The following ADAMTS20 variants were observed in gnomAD, a reference collection of about 807,000 sequenced individuals.
ADAMTS20 encodes A disintegrin and metalloproteinase with thrombospondin motifs 20.
A neutral mutation model predicts 260.1 loss-of-function variants in ADAMTS20; 225 were observed. The observed-to-expected ratio is 0.87, with a 90% CI of 0.78 to 0.97. The LOEUF (loss-of-function observed/expected upper bound fraction) is 0.97, where lower values mean the gene tolerates loss of function less well. Ranked by LOEUF, ADAMTS20 falls within the 50% of genes least tolerant of loss-of-function variation. The pLI is 0.00. For missense variants in ADAMTS20, 2,400 were observed against 2,337.7 expected (o/e 1.03, Z -0.55); for synonymous variants, 802 against 769.5 (o/e 1.04, Z -0.70).
At chr12:43,456,264 C>T (rs1241807212) in intron 11 of ADAMTS20, among the ~76,000 whole-genome samples, 2 of 152,130 alleles carry the variant, frequency 1.3e-5, no homozygotes, top group African/African-American at 4.8e-5. Context: ...AAAGTGGTTT[C>T]CTAGATTATC....
At chr12:43,531,935 A>G in intron 3 of ADAMTS20, 101 bp downstream of exon 3, 2 of 807,282 alleles carry the variant, frequency 2.5e-6, no homozygotes, top group Non-Finnish European at 3.3e-6. Context: ...TTAATTAAAA[A>G]TAAATAAAAT....
At chr12:43,501,842 C>G (rs76137195) in intron 4 of ADAMTS20, among the ~76,000 whole-genome samples, 1 of 152,086 alleles carries the variant, frequency 6.6e-6, no homozygotes, top group Admixed American at 6.6e-5. Context: ...GCAAAAAGAT[C>G]AATGCAACTA....
chr12:43,417,029 G>A (rs1245232981), intron 28 of ADAMTS20, among the ~76,000 whole-genome samples: 1 of 152,084 alleles, frequency 6.6e-6, no homozygotes, highest in Non-Finnish European at 1.5e-5. Flanking sequence ...TTATTTGCAT[G>A]TATATTTAAT....
In ADAMTS20 at chr12:43,541,386, T is replaced by C. The variant is rs571655307; in HGVS notation, c.454-9191A>G. 2.0e-5 allele frequency among the ~76,000 whole-genome samples: 3 copies of C among 152,314 alleles called. No homozygotes were observed. The East Asian group carries it at 5.8e-4, about 29-fold the overall frequency. ...GTATCTACCCAATTTCCTAGGAAGGTTAATGTGTGTTTAAGTGATATTAAT... is the reference window on the plus strand; with the variant it reads ...GTATCTACCCAATTTCCTAGGAAGGCTAATGTGTGTTTAAGTGATATTAAT... On this transcript the variant is annotated intron_variant, in intron 2 of 38. Transcript: ENST00000389420.
At chr12:43,444,978 AG>A (rs1456072030) in intron 15 of ADAMTS20, among the ~76,000 whole-genome samples, 2 of 152,220 alleles carry the variant, frequency 1.3e-5, no homozygotes, top group African/African-American at 4.8e-5. Flanking sequence ...TACTGGTTGT[AG>A]GTTATTGACC....
chr12:43,513,766 A>G (rs868329728), intron 3 of ADAMTS20, among the ~76,000 whole-genome samples: 2 of 152,110 alleles, frequency 1.3e-5, no homozygotes, highest in African/African-American at 4.8e-5. Context: ...TTGTAGGAAC[A>G]TGAATGAAGC....
At position 43,449,028 on chromosome 12, in the gene ADAMTS20, C is replaced by T. The variant is rs548815393; in HGVS notation, c.2080-2316G>A. ...TGCAGAAAAGAGAACGGTTATACAC[C>T]GTTGGTGGGAGTGTAAATTGGTTCA... On this transcript the variant is annotated intron_variant, in intron 14 of 38. Coordinates refer to ENST00000389420, the MANE Select transcript of ADAMTS20 (RefSeq NM_025003.5). Among the ~76,000 whole-genome samples the T allele has an allele frequency of 5.3e-5, 8 of 152,150 alleles. No individual in the cohort carries two copies. In the South Asian group the frequency reaches 1.5e-3, roughly 28 times the overall value.
chr12:43,469,073 GA>G (rs1187762508), intron 7 of ADAMTS20, among the ~76,000 whole-genome samples: 8 of 152,008 alleles, frequency 5.3e-5, no homozygotes, highest in Admixed American at 3.9e-4. Context: ...ATTGGTAATA[GA>G]AAAGCTAATA....
intron 7 of ADAMTS20, among the ~76,000 whole-genome samples, chr12:43,469,727 C>G (rs1472100948): frequency 2.0e-5 from 3 of 152,136 alleles, no homozygotes; most frequent in Admixed American, 6.5e-5. Flanking sequence ...TAGTTTAGCT[C>G]TTCCCTGCTA....
At chr12:43,372,354 C>T (rs1382342329) in intron 36 of ADAMTS20, among the ~76,000 whole-genome samples, 2 of 152,218 alleles carry the variant, frequency 1.3e-5, no homozygotes, top group East Asian at 3.9e-4. Flanking sequence ...GCTGCTGATG[C>T]ATCATGTAAG....
chr12:43,485,146 A>G (rs1381059647), intron 7 of ADAMTS20, among the ~76,000 whole-genome samples: 2 of 151,624 alleles, frequency 1.3e-5, no homozygotes, highest in Non-Finnish European at 2.9e-5. Flanking sequence ...CTACTGAACA[A>G]TATCCCTGAT....
At chr12:43,492,074 T>A (rs771411013) in intron 6 of ADAMTS20, among the ~76,000 whole-genome samples, 2 of 152,122 alleles carry the variant, frequency 1.3e-5, no homozygotes, top group Non-Finnish European at 2.9e-5. Flanking sequence ...TTCTGTGTAT[T>A]ATTAACAAAG....
At chr12:43,501,026 T>C (rs1942750460) in intron 4 of ADAMTS20, among the ~76,000 whole-genome samples, 1 of 150,466 alleles carries the variant, frequency 6.6e-6, no homozygotes, top group African/African-American at 2.4e-5. Flanking sequence ...CCAAATACAC[T>C]GAATCTATAA....
At chr12:43,549,991 T>C (rs995804165) in intron 2 of ADAMTS20, among the ~76,000 whole-genome samples, 2 of 152,246 alleles carry the variant, frequency 1.3e-5, no homozygotes, top group Non-Finnish European at 2.9e-5. Context: ...AAACAAAAGC[T>C]AGATACTTAG....
intron 3 of ADAMTS20, among the ~76,000 whole-genome samples, chr12:43,527,989 G>A (rs1592111402): frequency 6.6e-6 from 1 of 152,078 alleles, no homozygotes; most frequent in Admixed American, 6.5e-5. Context: ...ATTCAGTAAA[G>A]TCTCAGGTTA....
At chr12:43,456,260 G>A (rs1459397742) in intron 11 of ADAMTS20, among the ~76,000 whole-genome samples, 1 of 152,102 alleles carries the variant, frequency 6.6e-6, no homozygotes, top group Admixed American at 6.5e-5. Flanking sequence ...TTGCAAAGTG[G>A]TTTCCTAGAT....
rs779385831 is a variant in ADAMTS20, at chr12:43,466,696, C to G, written c.1323G>C (p.Trp441Cys). 1.9e-6 allele frequency: 3 copies of G among 1,611,620 alleles called. No homozygotes were observed. The highest frequency in any genetic ancestry group is 2.5e-6 in the Non-Finnish European group (3 of 1,178,552). The change falls in exon 9 of 39, where the codon TGG (tryptophan) becomes TGC (cysteine). Residue 441 changes from tryptophan to cysteine, a missense_variant. Transcript: ENST00000389420. The part of the protein sequence containing the change: ...APALSFHMSP[W>C]SWSNCSRKYV... ...ATTTCCGACTACAGTTTGACCAGCT[C>G]CAAGGACTCATGTGAAAACTTAAAG...
chr12:43,468,518 T>C, intron 8 of ADAMTS20, 82 bp downstream of exon 8: 1 of 855,144 alleles, frequency 1.2e-6, no homozygotes, highest in Non-Finnish European at 1.9e-6. Context: ...AGGTACTAAT[T>C]ACTCAACTGA....
Position 43,369,321 on chromosome 12 carries a change from C to A in ADAMTS20, c.5507G>T (p.Gly1836Val). The A allele has an allele frequency of 6.4e-7, 1 of 1,556,374 alleles. No individual in the cohort carries two copies. The highest frequency in any genetic ancestry group is 2.4e-5 in the East Asian group (1 of 41,398). Residue 1836 changes from glycine to valine, a missense_variant, in exon 37 of 39, where the codon GGA becomes GTA. Coordinates refer to ENST00000389420, the MANE Select transcript of ADAMTS20 (RefSeq NM_025003.5). ...GCATCTGAAAGCACTGTAGCAATCTCCAGCTGTGGCAAATGGAACTGCATT... is the reference window on the plus strand; with the variant it reads ...GCATCTGAAAGCACTGTAGCAATCTACAGCTGTGGCAAATGGAACTGCATT... ...FGNAVPFATA[G>V]DCYSAFRCPQ...
Sources: allele counts gnomAD v4.1 joint callset (sites outside exome capture counted in the v4.1 genomes callset), GRCh38; gene constraint gnomAD v4.1.1; transcripts MANE v1.5; gene names NCBI Gene and HGNC (gene_info 2026-07-23, HGNC 2026-07-21).